LCORL: variants seen among roughly 807,000 people sequenced by gnomAD.
LCORL encodes ligand dependent nuclear receptor corepressor like.
LCORL carries 41 observed loss-of-function variants against 141.8 expected under a neutral mutation model. The observed-to-expected ratio is 0.29, with a 90% CI of 0.23 to 0.38. LCORL has a LOEUF of 0.38. Among genes scored for constraint, LCORL ranks in the 10% least tolerant of loss-of-function variants. LCORL has a pLI of 1.00. For synonymous variants in LCORL, 618 were observed against 694.1 expected, an observed-to-expected ratio of 0.89 and a Z score of 1.72; for missense variants, 1,759 against 2,035.0, an observed-to-expected ratio of 0.86 and a Z score of 2.61.
intron 5 of LCORL, 29 bp downstream of exon 5, chr4:17,909,065 A>G: frequency 6.5e-7 from 1 of 1,540,090 alleles, no homozygotes; most frequent in Non-Finnish European, 8.7e-7. Context: ...ACATCAAATT[A>G]TATATTAAAT....
chr4:18,021,577 C>A lies in LCORL; in HGVS notation c.154+21G>T. ...GCGGTCGCCGCGCGGAGCCCGGGGCCCCGGCCCGCGTCTCTCTTACCTACA... is the reference window on the plus strand; with the variant it reads ...GCGGTCGCCGCGCGGAGCCCGGGGCACCGGCCCGCGTCTCTCTTACCTACA... On this transcript the variant is annotated intron_variant, in intron 1 of 7. Coordinates refer to ENST00000635767, the Ensembl canonical transcript of LCORL. This position sits in a 1 kb window ranked among gnomAD's most constrained non-coding sequence, Gnocchi z 5.5. 6.6e-7 allele frequency: 1 copy of A among 1,513,264 alleles called. No homozygotes were observed. Among genetic ancestry groups the A allele is most frequent in the Non-Finnish European group, 8.8e-7 (1 of 1,131,862 alleles). 93.7% of individuals were successfully genotyped at this position (1,513,264 alleles called of 1,614,324 possible). A position where few individuals can be genotyped will look rare whatever the true frequency, so the allele number is the denominator to read the frequency against.
At chr4:18,004,434 C>T (rs1166643673) in intron 1 of LCORL, among the ~76,000 whole-genome samples, 1 of 152,124 alleles carries the variant, frequency 6.6e-6, no homozygotes, top group African/African-American at 2.4e-5. Context: ...GAGAAAAGTG[C>T]TTGTGCAGGG....
At chr4:18,002,673 C>A (rs575687170) in intron 1 of LCORL, among the ~76,000 whole-genome samples, 6 of 152,072 alleles carry the variant, frequency 3.9e-5, no homozygotes, top group African/African-American at 1.4e-4. Flanking sequence ...AAAAATTAAG[C>A]CAGAATTTGT....
chr4:17,907,839 T>C (rs967934119), intron 5 of LCORL, among the ~76,000 whole-genome samples: 5 of 152,204 alleles, frequency 3.3e-5, no homozygotes, highest in South Asian at 2.1e-4. Context: ...TGCGATATCA[T>C]AGTTATCTTT....
chr4:17,928,607 TA>T (rs1009912564), intron 4 of LCORL, among the ~76,000 whole-genome samples: 1 of 152,098 alleles, frequency 6.6e-6, no homozygotes, highest in African/African-American at 2.4e-5. Flanking sequence ...AGGGTATCTG[TA>T]AAAAATCCAC....
chr4:17,887,694 C>G (rs1577332346), intron 5 of LCORL, among the ~76,000 whole-genome samples: 2 of 152,120 alleles, frequency 1.3e-5, no homozygotes, highest in African/African-American at 4.8e-5. Flanking sequence ...CTGACAGAGA[C>G]AGGAAGCCAC....
intron 5 of LCORL, among the ~76,000 whole-genome samples, chr4:17,897,846 G>A (rs1022123078): frequency 1.3e-5 from 2 of 152,092 alleles, no homozygotes; most frequent in South Asian, 2.1e-4. Context: ...GTCCAAACCT[G>A]AAGTCCAAAG....
At position 17,979,768 on chromosome 4, in the gene LCORL, G is replaced by A. The variant is rs115849070; in HGVS notation, c.155-6883C>T. Among the ~76,000 whole-genome samples the A allele has an allele frequency of 2.5e-3, 384 of 152,270 alleles. 2 individuals are homozygous for A. The highest frequency in any genetic ancestry group is 8.1e-3 in the African/African-American group (335 of 41,544). On this transcript the variant is annotated intron_variant, in intron 1 of 7. Transcript: ENST00000635767. ...GAGTTCTAATACCCAGTACCCTTGAGCAAACTATGCTACATGGCAAGGGGG... is the reference window on the plus strand; with the variant it reads ...GAGTTCTAATACCCAGTACCCTTGAACAAACTATGCTACATGGCAAGGGGG...
chr4:17,963,538 A>G lies in LCORL; in HGVS notation c.221-489T>C, dbSNP rs561389640. Among the ~76,000 whole-genome samples the G allele has an allele frequency of 2.0e-5, 3 of 152,130 alleles. No homozygotes were observed. The South Asian group carries it at 6.2e-4, about 31-fold the overall frequency. ...AACAAGTAAAAGTCTATAGCTCAAA[A>G]GTCAGAACAGATTTTTATTAAATTG... On this transcript the variant is annotated intron_variant, in intron 2 of 7. Transcript: ENST00000635767.
At chr4:17,864,143 A>T (rs1160592034) in intron 7 of LCORL, among the ~76,000 whole-genome samples, 11 of 152,248 alleles carry the variant, frequency 7.2e-5, no homozygotes, top group South Asian at 2.1e-4. Context: ...ACAAAAAAAA[A>T]TTTTTGGCTA....
At chr4:17,897,057 T>A (rs1017693959) in intron 5 of LCORL, among the ~76,000 whole-genome samples, 13 of 152,088 alleles carry the variant, frequency 8.5e-5, no homozygotes, top group African/African-American at 3.1e-4. Context: ...TCTCATTCTT[T>A]TTTATGGCTG....
chr4:17,875,218 T>C (rs1726790693), exon 7 of LCORL: 21 of 1,231,728 alleles, frequency 1.7e-5, no homozygotes, highest in Non-Finnish European at 2.1e-5. Context: ...GTCACAGATA[T>C]GCCAGAGATT....
At chr4:17,925,973 G>A (rs747609463) in intron 4 of LCORL, among the ~76,000 whole-genome samples, 4 of 149,620 alleles carry the variant, frequency 2.7e-5, no homozygotes, top group Middle Eastern at 3.5e-3. Context: ...TCCCTTTATC[G>A]TGTGTCATAA....
At chr4:17,989,295 A>AT (rs1719562497) in intron 1 of LCORL, among the ~76,000 whole-genome samples, 2 of 152,232 alleles carry the variant, frequency 1.3e-5, no homozygotes, top group African/African-American at 4.8e-5. Context: ...GTCACATACT[A>AT]TACTTGTCAT....
intron 6 of LCORL, 140 bp from the exon 7 acceptor site, chr4:17,878,353 GATT>G (rs1284767696): frequency 2.1e-6 from 1 of 470,260 alleles, no homozygotes; most frequent in African/African-American, 2.0e-5. Context: ...ATGGCATTTT[GATT>G]ATTGTTTAGC....
chr4:17,953,018 T>TA (rs779768688), intron 4 of LCORL, among the ~76,000 whole-genome samples: 11 of 152,128 alleles, frequency 7.2e-5, no homozygotes, highest in East Asian at 5.8e-4. Flanking sequence ...GTTCCTGCGT[T>TA]AGTTTACTAA....
In LCORL at chr4:17,994,189, A is replaced by G. The variant is rs530507883; in HGVS notation, c.155-21304T>C. On this transcript the variant is annotated intron_variant, in intron 1 of 7. Transcript: ENST00000635767. ...TAATTAAAACAAGTTTTCTTCAAGTATCAGAATCAAAATATTTTTAAATTA... is the reference window on the plus strand; with the variant it reads ...TAATTAAAACAAGTTTTCTTCAAGTGTCAGAATCAAAATATTTTTAAATTA... Among the ~76,000 whole-genome samples the G allele has an allele frequency of 6.3e-3, 954 of 152,308 alleles. 12 individuals carry two copies. The highest frequency in any genetic ancestry group is 0.022 in the African/African-American group (912 of 41,558).
chr4:17,975,801 G>C (rs770457544), intron 1 of LCORL, among the ~76,000 whole-genome samples: 3 of 152,148 alleles, frequency 2.0e-5, no homozygotes, highest in Non-Finnish European at 4.4e-5. Context: ...ATATACACTG[G>C]TGAATATTCC....
At chr4:17,902,956 G>A (rs550483194) in intron 5 of LCORL, among the ~76,000 whole-genome samples, 1 of 152,108 alleles carries the variant, frequency 6.6e-6, no homozygotes, top group African/African-American at 2.4e-5. Flanking sequence ...AATAGTTAAT[G>A]TCCATTATCA....
Sources: allele counts gnomAD v4.1 joint callset (sites outside exome capture counted in the v4.1 genomes callset), GRCh38; gene constraint gnomAD v4.1.1; non-coding constraint Gnocchi (gnomAD v3.1); transcripts MANE v1.5; gene names NCBI Gene and HGNC (gene_info 2026-07-23, HGNC 2026-07-21).